PPP1R42: variants seen among roughly 807,000 people sequenced by gnomAD.
PPP1R42 encodes the protein protein phosphatase 1 regulatory subunit 42.
Under a neutral mutation model 31.0 loss-of-function variants are expected in PPP1R42, and 34 were observed. That is an observed-to-expected ratio of 1.10 (90% CI 0.83 to 1.46). The LOEUF is 1.46. PPP1R42 is among the 40% of genes most tolerant of loss of function. The pLI is 0.00. For missense variants in PPP1R42, 268 were observed against 303.0 expected (o/e 0.88, Z 0.86); for synonymous variants, 103 against 109.8 (o/e 0.94, Z 0.39).
chr8:66,987,762 CTATT>C (rs1815067867), intron 6 of PPP1R42, among the ~76,000 whole-genome samples: 2 of 152,180 alleles, frequency 1.3e-5, no homozygotes, highest in Non-Finnish European at 1.5e-5. Context: ...GATTGTCACT[CTATT>C]TGGTGAGGAC....
At chr8:66,979,497 AT>A (rs1027790991) in intron 7 of PPP1R42, among the ~76,000 whole-genome samples, 3 of 152,104 alleles carry the variant, frequency 2.0e-5, no homozygotes, top group Non-Finnish European at 2.9e-5. Flanking sequence ...GATCCAACAT[AT>A]GTTCTTGGCA....
intron 5 of PPP1R42, among the ~76,000 whole-genome samples, chr8:67,006,664 C>T (rs528152560): frequency 4.0e-5 from 6 of 151,416 alleles, no homozygotes; most frequent in South Asian, 2.1e-4. Flanking sequence ...CCACCATACC[C>T]GGCCTTGCTT....
chr8:67,028,529 C>T lies in PPP1R42; in HGVS notation c.-123G>A, dbSNP rs1816471067. The T allele has an allele frequency of 2.0e-6, 2 of 985,394 alleles. No homozygotes were observed. The highest frequency in any genetic ancestry group is 1.7e-5 in the African/African-American group (1 of 57,266). 61.0% of individuals were successfully genotyped at this position (985,394 alleles called of 1,614,324 possible). A position where few individuals can be genotyped will look rare whatever the true frequency, so the allele number is the denominator to read the frequency against. ...GTCCGGTAGCTAACTCCAGTTTGGTCGGTTTCATCGGCGCCGGGTCCCTAC... is the reference window on the plus strand; with the variant it reads ...GTCCGGTAGCTAACTCCAGTTTGGTTGGTTTCATCGGCGCCGGGTCCCTAC... On this transcript the variant is annotated 5_prime_UTR_variant, in exon 1 of 8. Transcript: ENST00000685739.
chr8:66,970,864 A>G (rs1393586594), intron 7 of PPP1R42: 4 of 823,168 alleles, frequency 4.9e-6, no homozygotes, highest in Non-Finnish European at 8.0e-6. Context: ...GCCAAAAAGG[A>G]TTGAGAACAA....
intron 5 of PPP1R42, among the ~76,000 whole-genome samples, chr8:66,997,121 C>T (rs1341618448): frequency 3.9e-5 from 6 of 152,118 alleles, no homozygotes; most frequent in Non-Finnish European, 8.8e-5. Flanking sequence ...CCACTTCACT[C>T]CAGCCTGGGC....
rs763384729 is a variant in PPP1R42, at chr8:67,014,563, A to C, written c.159T>G (p.Ser53Arg). ...TACAATTATCATATAAATATAAAAC[A>C]CTAAGATTTTTGCAAAGAGAGAGGT... ...IEDLSLCKNL[S>R]VLYLYDNCIS... is the part of the protein sequence containing the mutation. Residue 53 changes from serine (S) to arginine (R), a missense_variant, in exon 3 of 8, where the codon AGT becomes AGG. Ser to Arg is a moderately radical substitution (Grantham distance 110, BLOSUM62 -1). Coordinates refer to ENST00000685739, the MANE Select transcript of PPP1R42 (RefSeq NM_001364910.1). 1 of 1,538,624 alleles carries C rather than the reference A, an allele frequency of 6.5e-7. No homozygotes were observed. The highest frequency in any genetic ancestry group is 8.8e-7 in the Non-Finnish European group (1 of 1,134,174).
intron 7 of PPP1R42, among the ~76,000 whole-genome samples, chr8:66,975,625 GAC>G (rs914502079): frequency 7.2e-5 from 11 of 152,220 alleles, no homozygotes; most frequent in Non-Finnish European, 1.5e-4. Context: ...CAGCCTGGGT[GAC>G]AGAGTGATAC....
chr8:66,973,525 C>T (rs192634005), intron 7 of PPP1R42, among the ~76,000 whole-genome samples: 111 of 152,184 alleles, frequency 7.3e-4, no homozygotes, highest in Admixed American at 1.4e-3. Context: ...AGGCTGGTCT[C>T]GAACTCCTGA....
intron 5 of PPP1R42, among the ~76,000 whole-genome samples, chr8:66,990,143 T>C (rs1040525340): frequency 3.3e-5 from 5 of 152,220 alleles, no homozygotes; most frequent in Admixed American, 3.3e-4. Context: ...CAGGGTTTAA[T>C]AGAGCCGTAA....
Position 66,974,148 on chromosome 8 carries a change from T to C in PPP1R42, c.802+7901A>G, listed in dbSNP as rs774948548. On this transcript the variant is annotated intron_variant, in intron 7 of 7. Transcript: ENST00000685739. ...ATATGGCAGTCCTATTTTTAACTTT[T>C]TGAGGAACGTTCATACTGTTTGCTA... 5.3e-4 allele frequency among the ~76,000 whole-genome samples: 81 copies of C among 152,226 alleles called. 2 individuals are homozygous for C. The highest frequency in any genetic ancestry group is 2.8e-4 in the Non-Finnish European group (19 of 68,032).
chr8:66,998,801 TATA>T (rs1294711084), intron 5 of PPP1R42, among the ~76,000 whole-genome samples: 2 of 152,238 alleles, frequency 1.3e-5, no homozygotes, highest in Non-Finnish European at 2.9e-5. Context: ...GAGATGATCA[TATA>T]ATATTTCTCC....
At chr8:66,966,815 A>G (rs1009061160) in intron 7 of PPP1R42, among the ~76,000 whole-genome samples, 1 of 152,114 alleles carries the variant, frequency 6.6e-6, no homozygotes, top group Non-Finnish European at 1.5e-5. Context: ...GATAATGAAG[A>G]TTCAGCTTTC....
intron 5 of PPP1R42, among the ~76,000 whole-genome samples, chr8:66,999,097 C>T (rs1432237288): frequency 3.3e-5 from 5 of 152,078 alleles, no homozygotes; most frequent in South Asian, 2.1e-4. Context: ...TTTGTTCCCC[C>T]GGCCAGCTGG....
intron 5 of PPP1R42, among the ~76,000 whole-genome samples, chr8:67,008,665 A>G (rs1044378542): frequency 6.7e-6 from 1 of 149,130 alleles, no homozygotes; most frequent in African/African-American, 2.5e-5. Flanking sequence ...CCAAGATCAC[A>G]CCACTGCTCT....
intron 7 of PPP1R42, among the ~76,000 whole-genome samples, chr8:66,979,673 G>T (rs1013640882): frequency 6.6e-6 from 1 of 152,104 alleles, no homozygotes; most frequent in African/African-American, 2.4e-5. Context: ...CTCTGGCTTT[G>T]TTGGTTTTGC....
intron 7 of PPP1R42, among the ~76,000 whole-genome samples, chr8:66,966,379 C>T (rs1391400096): frequency 1.3e-5 from 2 of 152,192 alleles, no homozygotes; most frequent in East Asian, 3.8e-4. Flanking sequence ...TAGCCCTGCT[C>T]ATGGCAACTG....
intron 5 of PPP1R42, among the ~76,000 whole-genome samples, chr8:66,994,284 G>T (rs957669718): frequency 1.3e-4 from 20 of 152,126 alleles, no homozygotes; most frequent in African/African-American, 4.8e-4. Context: ...CTCTAATGCA[G>T]CCACTCCCTT....
Position 66,964,305 on chromosome 8 carries a change from A to G in PPP1R42, c.*16T>C, listed in dbSNP as rs1814323012. 1 of 1,279,874 alleles carries G rather than the reference A, an allele frequency of 7.8e-7. No homozygotes were observed. Among genetic ancestry groups the G allele is most frequent in the African/African-American group, 1.5e-5 (1 of 65,182 alleles). The allele number at this position is 1,279,874 out of a possible 1,614,324, so 79.3% of individuals were successfully genotyped here. On this transcript the variant is annotated 3_prime_UTR_variant, in exon 8 of 8. Transcript: ENST00000685739. ...TTCATGCACATCATTTTTTGTCAGC[A>G]AGCTTTCAGATTGCTTCAAAGAGAG...
intron 7 of PPP1R42, among the ~76,000 whole-genome samples, chr8:66,974,020 C>G (rs1347233145): frequency 6.6e-6 from 1 of 152,132 alleles, no homozygotes; most frequent in African/African-American, 2.4e-5. Flanking sequence ...CGCATCTTGA[C>G]TATTGTGAAT....
Sources: gnomAD v4.1 joint callset for allele counts (sites outside exome capture counted in the v4.1 genomes callset) on GRCh38, gnomAD v4.1.1 for gene constraint, MANE v1.5 for transcripts, NCBI Gene and HGNC (gene_info 2026-07-23, HGNC 2026-07-21) for gene names.